FAM117B: variants seen among roughly 807,000 people sequenced by gnomAD.
FAM117B encodes the protein family with sequence similarity 117 member B.
Under a neutral mutation model 52.8 loss-of-function variants are expected in FAM117B, and 22 were observed. That is an observed-to-expected ratio of 0.42 (90% CI 0.30 to 0.59). FAM117B has a LOEUF of 0.59. Ranked by LOEUF, FAM117B falls within the 20% of genes least tolerant of loss-of-function variation. FAM117B has a pLI of 0.22. For missense variants in FAM117B, 678 were observed against 802.6 expected, an observed-to-expected ratio of 0.84 and a Z score of 1.88; for synonymous variants, 309 against 324.1, an observed-to-expected ratio of 0.95 and a Z score of 0.50.
At chr2:202,699,665 T>C (rs1574561038) in intron 2 of FAM117B, among the ~76,000 whole-genome samples, 2 of 152,162 alleles carry the variant, frequency 1.3e-5, no homozygotes, top group East Asian at 1.9e-4. Context: ...CCTAAGTGTA[T>C]GCTAGTTAAA....
intron 4 of FAM117B, among the ~76,000 whole-genome samples, chr2:202,729,940 A>G (rs1691313361): frequency 6.6e-6 from 1 of 152,184 alleles, no homozygotes; most frequent in African/African-American, 2.4e-5. Flanking sequence ...TATAGAACGA[A>G]TTGGGAAGAG....
intron 1 of FAM117B, among the ~76,000 whole-genome samples, chr2:202,655,583 G>T (rs769009347): frequency 5.3e-5 from 8 of 152,036 alleles, no homozygotes; most frequent in Non-Finnish European, 1.2e-4. Flanking sequence ...AAAATGAGTT[G>T]AGAAGTGTTC....
At chr2:202,736,230 T>A (rs998090193) in intron 4 of FAM117B, among the ~76,000 whole-genome samples, 18 of 152,360 alleles carry the variant, frequency 1.2e-4, no homozygotes, top group African/African-American at 3.8e-4. Context: ...TTTTGCCGTT[T>A]CAAAATTGAG....
At chr2:202,678,419 T>G (rs946735453) in intron 1 of FAM117B, among the ~76,000 whole-genome samples, 1 of 152,176 alleles carries the variant, frequency 6.6e-6, no homozygotes, top group Non-Finnish European at 1.5e-5. Context: ...AAACTGGCCC[T>G]CCCACCCTAG....
intron 1 of FAM117B, among the ~76,000 whole-genome samples, chr2:202,679,216 G>C (rs954058187): frequency 6.6e-6 from 1 of 152,170 alleles, no homozygotes; most frequent in African/African-American, 2.4e-5. Flanking sequence ...ATTTTTGAGA[G>C]AAGGGAAACA....
intron 2 of FAM117B, among the ~76,000 whole-genome samples, chr2:202,718,392 T>C (rs1421780977): frequency 6.6e-6 from 1 of 152,250 alleles, no homozygotes; most frequent in Non-Finnish European, 1.5e-5. Flanking sequence ...CTTTCTGTTA[T>C]TCCTGGTTTG....
chr2:202,723,392 A>G (rs780512583), intron 2 of FAM117B, among the ~76,000 whole-genome samples: 74 of 152,316 alleles, frequency 4.9e-4, no homozygotes, highest in Non-Finnish European at 9.7e-4. Flanking sequence ...GGTATACACT[A>G]AGGGTCTTTT....
Position 202,700,687 on chromosome 2 carries a change from T to TG in FAM117B, c.753+4655_753+4656insG, listed in dbSNP as rs908424838. Reference sequence around the variant, plus strand: ...GAAGATGGCTACACTAAACAAGAATTTTTTTTTTTTTTTTTTTGAGATGGA... The same window carrying TG: ...GAAGATGGCTACACTAAACAAGAATTGTTTTTTTTTTTTTTTTTGAGATGGA... On this transcript the variant is annotated intron_variant, in intron 2 of 7. Coordinates refer to ENST00000392238, the MANE Select transcript of FAM117B (RefSeq NM_173511.4). Among the ~76,000 whole-genome samples, 24 of 144,990 alleles carry TG rather than the reference T, an allele frequency of 1.7e-4. No homozygotes were observed. The East Asian group carries it at 1.8e-3, about 11-fold the overall frequency.
intron 7 of FAM117B, 30 bp downstream of exon 7, chr2:202,759,383 A>G (rs1691848582): frequency 1.3e-6 from 2 of 1,597,894 alleles, no homozygotes; most frequent in Non-Finnish European, 1.7e-6. Flanking sequence ...TCCCCACAAA[A>G]AAACTATTAT....
chr2:202,731,182 G>C (rs1691338516), intron 4 of FAM117B, among the ~76,000 whole-genome samples: 1 of 151,470 alleles, frequency 6.6e-6, no homozygotes, highest in South Asian at 2.1e-4. Flanking sequence ...TGTACAAATA[G>C]CCAATAAGCA....
At chr2:202,741,007 G>A (rs1442393624) in intron 4 of FAM117B, among the ~76,000 whole-genome samples, 4 of 152,126 alleles carry the variant, frequency 2.6e-5, no homozygotes, top group African/African-American at 7.2e-5. Flanking sequence ...GGAAACATGA[G>A]AGATACTTCC....
At chr2:202,764,476 C>T (rs1435165268) in intron 7 of FAM117B, among the ~76,000 whole-genome samples, 1 of 151,846 alleles carries the variant, frequency 6.6e-6, no homozygotes, top group Non-Finnish European at 1.5e-5. Context: ...CACTATGTTG[C>T]CCAGGCTGGT....
At chr2:202,746,975 CA>C (rs1424392190) in intron 4 of FAM117B, among the ~76,000 whole-genome samples, 2 of 146,130 alleles carry the variant, frequency 1.4e-5, no homozygotes, top group Non-Finnish European at 3.0e-5. Flanking sequence ...AAAAAAAACA[CA>C]AAAACCCACT....
intron 1 of FAM117B, among the ~76,000 whole-genome samples, chr2:202,692,644 A>G (rs1489168012): frequency 3.3e-5 from 5 of 152,208 alleles, no homozygotes; most frequent in East Asian, 1.9e-4. Flanking sequence ...CATCAAATCA[A>G]TTGCAAATGT....
Position 202,635,317 on chromosome 2 carries a change from A to AAGC in FAM117B, c.147_149dup (p.Gln50dup), listed in dbSNP as rs567562707. 9.4e-5 allele frequency: 132 copies of AAGC among 1,404,220 alleles called. No homozygotes were observed. The highest frequency in any genetic ancestry group is 4.1e-4 in the African/African-American group (27 of 65,406). The allele number at this position is 1,404,220 out of a possible 1,614,324, so 87.0% of individuals were successfully genotyped here. A position where few individuals can be genotyped will look rare whatever the true frequency, so the allele number is the denominator to read the frequency against. On this transcript the variant is annotated inframe_insertion, in exon 1 of 8. Transcript: ENST00000392238. ...GAGGGCGACGGTTCCGTTCCAGCTGAAGCAGCAGCAGCAGCAGCAACATGG... is the reference window on the plus strand; with the variant it reads ...GAGGGCGACGGTTCCGTTCCAGCTGAAGCAGCAGCAGCAGCAGCAGCAACATGG...
chr2:202,703,605 T>G (rs1690828592), intron 2 of FAM117B, among the ~76,000 whole-genome samples: 1 of 152,156 alleles, frequency 6.6e-6, no homozygotes, highest in African/African-American at 2.4e-5. Flanking sequence ...ATGTCCACTC[T>G]GGCCTCCCAA....
At chr2:202,666,987 G>T (rs118002473) in intron 1 of FAM117B, among the ~76,000 whole-genome samples, 2 of 151,798 alleles carry the variant, frequency 1.3e-5, no homozygotes, top group Admixed American at 6.6e-5. Context: ...TCGAAAATCT[G>T]TGTTGTAGCA....
At chr2:202,659,493 G>A (rs149400482) in intron 1 of FAM117B, among the ~76,000 whole-genome samples, 113 of 149,822 alleles carry the variant, frequency 7.5e-4, no homozygotes, top group African/African-American at 2.6e-3. Flanking sequence ...TATTTGTTTT[G>A]TAGAGATGGG....
In FAM117B at chr2:202,692,286, C is replaced by A. The variant is rs191546228; in HGVS notation, c.602-3595C>A. 5.3e-5 allele frequency among the ~76,000 whole-genome samples: 8 copies of A among 152,184 alleles called. No individual in the cohort carries two copies. In the East Asian group the frequency reaches 1.4e-3, roughly 26 times the overall value. ...CCTATGAAAGTTAAGCATAAATGAGCTAAGCTCATCCCCTTCCCCTGCCAA... is the reference window on the plus strand; with the variant it reads ...CCTATGAAAGTTAAGCATAAATGAGATAAGCTCATCCCCTTCCCCTGCCAA... On this transcript the variant is annotated intron_variant, in intron 1 of 7. Coordinates refer to ENST00000392238, the MANE Select transcript of FAM117B (RefSeq NM_173511.4).
Sources: gnomAD v4.1 joint callset for allele counts (sites outside exome capture counted in the v4.1 genomes callset) on GRCh38, gnomAD v4.1.1 for gene constraint, MANE v1.5 for transcripts, NCBI Gene and HGNC (gene_info 2026-07-23, HGNC 2026-07-21) for gene names.